The following FUT8 variants were observed in gnomAD, a reference collection of about 807,000 sequenced individuals.
FUT8 encodes alpha-(1,6)-fucosyltransferase.
In FUT8, 29 loss-of-function variants were observed where a neutral mutation model predicts 71.3. The observed-to-expected ratio is 0.41, with a 90% CI of 0.30 to 0.55. The LOEUF (loss-of-function observed/expected upper bound fraction) is 0.55, where lower values mean the gene tolerates loss of function less well. Ranked by LOEUF, FUT8 falls within the 20% of genes least tolerant of loss-of-function variation. The pLI, the probability that FUT8 is intolerant of heterozygous loss-of-function variation, is 0.34. For missense variants in FUT8, 544 were observed against 702.1 expected (o/e 0.77, Z 2.55); for synonymous variants, 254 against 239.3 (o/e 1.06, Z -0.57).
chr14:65,655,103 T>A (rs1949330646), intron 6 of FUT8, among the ~76,000 whole-genome samples: 1 of 151,732 alleles, frequency 6.6e-6, no homozygotes, highest in African/African-American at 2.4e-5. Context: ...AGAAACTAAC[T>A]TCACATATAA....
At chr14:65,707,409 T>C (rs1894605600) in intron 7 of FUT8, among the ~76,000 whole-genome samples, 1 of 152,164 alleles carries the variant, frequency 6.6e-6, no homozygotes, top group Non-Finnish European at 1.5e-5. Flanking sequence ...AGCCCTTTGT[T>C]GGGTGTATGG....
chr14:65,597,532 A>G (rs1240711704), intron 3 of FUT8, among the ~76,000 whole-genome samples: 1 of 152,032 alleles, frequency 6.6e-6, no homozygotes, highest in Non-Finnish European at 1.5e-5. Flanking sequence ...CTGAGGCAGG[A>G]GAATGGTGTG....
At chr14:65,551,659 T>G (rs889882605) in intron 2 of FUT8, among the ~76,000 whole-genome samples, 2 of 152,198 alleles carry the variant, frequency 1.3e-5, no homozygotes, top group African/African-American at 2.4e-5. Context: ...GTGTCTACTT[T>G]GCAAACTCAT....
intron 1 of FUT8, among the ~76,000 whole-genome samples, chr14:65,422,987 T>C (rs1238270619): frequency 1.4e-5 from 2 of 146,280 alleles, no homozygotes; most frequent in South Asian, 2.2e-4. Context: ...TTTCTTTCTT[T>C]TTTTTTTTTT....
intron 6 of FUT8, among the ~76,000 whole-genome samples, chr14:65,631,395 G>C (rs941413288): frequency 3.3e-5 from 5 of 151,438 alleles, no homozygotes; most frequent in Admixed American, 3.3e-4. Flanking sequence ...CTCTTGGTTT[G>C]TGGGTGGCCA....
At chr14:65,403,446 C>T in the FUT8 span, among the ~76,000 whole-genome samples, 1 of 152,196 alleles carries the variant, frequency 6.6e-6, no homozygotes, top group Non-Finnish European at 1.5e-5. Context: ...GTTTCTCAAT[C>T]CTGTTGGCAG....
At chr14:65,599,182 CTCAGTCA>C (rs1207553257) in intron 3 of FUT8, among the ~76,000 whole-genome samples, 1 of 152,096 alleles carries the variant, frequency 6.6e-6, no homozygotes, top group Non-Finnish European at 1.5e-5. Flanking sequence ...CAAACACAGA[CTCAGTCA>C]TCAGCTTTAA....
chr14:65,557,915 G>T (rs1594767798), intron 2 of FUT8, among the ~76,000 whole-genome samples: 1 of 152,284 alleles, frequency 6.6e-6, no homozygotes, highest in South Asian at 2.1e-4. Context: ...CAAATAAGTT[G>T]AGTGGTTGTC....
chr14:65,738,742 A>C (rs117818689), intron 10 of FUT8, among the ~76,000 whole-genome samples: 1 of 152,080 alleles, frequency 6.6e-6, no homozygotes, highest in South Asian at 2.1e-4. Context: ...GAACATTAAC[A>C]CTATAGTAAT....
intron 3 of FUT8, among the ~76,000 whole-genome samples, chr14:65,602,341 TCTCACACA>T (rs1434041143): frequency 0.054 from 2,684 of 50,036 alleles, 204 homozygotes; most frequent in Admixed American, 0.12. Flanking sequence ...GCGTTCCATC[TCTCACACA>T]CACACACACA....
intron 3 of FUT8, among the ~76,000 whole-genome samples, chr14:65,596,301 A>G (rs1887974736): frequency 6.6e-6 from 1 of 152,354 alleles, no homozygotes; most frequent in Non-Finnish European, 1.5e-5. Context: ...AATAAAAACT[A>G]CATCTTTTTA....
intron 7 of FUT8, among the ~76,000 whole-genome samples, chr14:65,717,245 T>C (rs1426080698): frequency 2.7e-5 from 2 of 72,860 alleles, no homozygotes; most frequent in African/African-American, 1.1e-4. Flanking sequence ...GAGGCGCTCC[T>C]CACCTCCCAG....
At chr14:65,372,294 A>G in the FUT8 span, among the ~76,000 whole-genome samples, 1 of 152,106 alleles carries the variant, frequency 6.6e-6, no homozygotes, top group African/African-American at 2.4e-5. Flanking sequence ...GTATCTTCCA[A>G]CGCTTCTAGT....
chr14:65,498,471 G>A (rs568568386), intron 2 of FUT8, among the ~76,000 whole-genome samples: 1 of 152,102 alleles, frequency 6.6e-6, no homozygotes, highest in African/African-American at 2.4e-5. Flanking sequence ...ACCAGGGTTT[G>A]TTGTGTCATT....
intron 2 of FUT8, among the ~76,000 whole-genome samples, chr14:65,469,476 T>G (rs983294504): frequency 4.0e-5 from 6 of 151,284 alleles, no homozygotes; most frequent in African/African-American, 1.4e-4. Flanking sequence ...AAGGTGTTGC[T>G]TTTCTGTCTA....
intron 2 of FUT8, among the ~76,000 whole-genome samples, chr14:65,477,934 G>A (rs1332258797): frequency 2.6e-5 from 4 of 151,942 alleles, no homozygotes; most frequent in Non-Finnish European, 5.9e-5. Context: ...CGAGGCATCA[G>A]TGAAGGCAGC....
the FUT8 span, among the ~76,000 whole-genome samples, chr14:65,383,363 C>A: frequency 6.7e-6 from 1 of 148,706 alleles, no homozygotes. Flanking sequence ...CAATCGCCGC[C>A]TCCGAGGTTC....
chr14:65,470,707 C>A, intron 2 of FUT8, among the ~76,000 whole-genome samples: 1 of 152,224 alleles, frequency 6.6e-6, no homozygotes. Context: ...TGCACAGAGC[C>A]TCCTCCTGAG....
At chr14:65,727,010 C>A (rs368468794) in intron 9 of FUT8, among the ~76,000 whole-genome samples, 1 of 152,214 alleles carries the variant, frequency 6.6e-6, no homozygotes, top group African/African-American at 2.4e-5. Context: ...TTTGACTCCA[C>A]GCCTCACAGC....
Sources: allele counts gnomAD v4.1 joint callset (sites outside exome capture counted in the v4.1 genomes callset), GRCh38; gene constraint gnomAD v4.1.1; transcripts MANE v1.5; gene names NCBI Gene and HGNC (gene_info 2026-07-23, HGNC 2026-07-21).